The following ATP8A1 variants were observed in gnomAD, a reference collection of about 807,000 sequenced individuals.
ATP8A1 encodes the protein ATPase phospholipid transporting 8A1, also known as phospholipid-transporting ATPase IA.
In ATP8A1, 90 loss-of-function variants were observed where a neutral mutation model predicts 177.7. The observed-to-expected ratio is 0.51, with a 90% confidence interval of 0.43 to 0.60. The LOEUF is 0.60. ATP8A1 is among the 20% of genes least tolerant of loss of function. ATP8A1 has a pLI of 0.00. For missense variants in ATP8A1, 1,072 were observed against 1,392.8 expected (o/e 0.77, Z 3.67); for synonymous variants, 493 against 485.9 (o/e 1.01, Z -0.19).
At chr4:42,487,392 A>G (rs1467305092) in intron 24 of ATP8A1, among the ~76,000 whole-genome samples, 3 of 152,126 alleles carry the variant, frequency 2.0e-5, no homozygotes, top group East Asian at 1.9e-4. Context: ...CCAATTTCCT[A>G]TTTCACAAGA....
At chr4:42,435,461 A>AAAAAAAAAAAACAAC (rs1553871738) in intron 33 of ATP8A1, among the ~76,000 whole-genome samples, 1 of 122,342 alleles carries the variant, frequency 8.2e-6, no homozygotes, top group East Asian at 2.5e-4. Flanking sequence ...AAAAAAAAAA[A>AAAAAAAAAAAACAAC]AACAAACTAT....
At chr4:42,557,895 T>C (rs1219485869) in intron 15 of ATP8A1, among the ~76,000 whole-genome samples, 2 of 151,714 alleles carry the variant, frequency 1.3e-5, no homozygotes, top group Non-Finnish European at 2.9e-5. Flanking sequence ...ATATAAAAAT[T>C]AGTCAGGTGT....
At chr4:42,626,861 C>G in intron 2 of ATP8A1, 134 bp downstream of exon 2, 1 of 690,982 alleles carries the variant, frequency 1.4e-6, no homozygotes, top group Admixed American at 2.3e-5. Context: ...GGGGAAACAG[C>G]CTATTCACAC....
In ATP8A1 at chr4:42,529,509, C is replaced by T. The variant is rs56224367; in HGVS notation, c.1723-4662G>A. Among the ~76,000 whole-genome samples, 993 of 152,312 alleles carry T rather than the reference C, an allele frequency of 6.5e-3. 11 individuals carry two copies. The highest frequency in any genetic ancestry group is 0.023 in the African/African-American group (944 of 41,554). ...CATCATCAAATTGAAGTGGTATATACGTGATCAGGCTTGAGCAGGTCCTGA... is the reference window on the plus strand; with the variant it reads ...CATCATCAAATTGAAGTGGTATATATGTGATCAGGCTTGAGCAGGTCCTGA... On this transcript the variant is annotated intron_variant, in intron 20 of 36. Transcript: ENST00000381668.
chr4:42,555,138 T>TATCTATCTATCTATCTAATC lies in ATP8A1; in HGVS notation c.1413+829_1413+830insGATTAGATAGATAGATAGAT, dbSNP rs1178885818. Among the ~76,000 whole-genome samples, 4 of 76,784 alleles carry TATCTATCTATCTATCTAATC rather than the reference T, an allele frequency of 5.2e-5. No homozygotes were observed. The East Asian group carries it at 1.5e-3, about 28-fold the overall frequency. 50.4% of individuals were successfully genotyped at this position (76,784 alleles called of 152,430 possible). ...CTATCTATCTATCTATCTATCTATC[T>TATCTATCTATCTATCTAATC]AATCTATCTATCTATCTATCTATCT... On this transcript the variant is annotated intron_variant, in intron 16 of 36. Coordinates refer to ENST00000381668, the MANE Select transcript of ATP8A1 (RefSeq NM_006095.2).
intron 31 of ATP8A1, 131 bp downstream of exon 31, chr4:42,446,448 CTTAA>C (rs1717264354): frequency 5.3e-6 from 4 of 758,014 alleles, no homozygotes; most frequent in Non-Finnish European, 8.2e-6. Flanking sequence ...CTGGGTCTTA[CTTAA>C]TTTTTAAAGG....
rs534414069 is a variant in ATP8A1 at position 42,626,756 on chromosome 4, A to G, written c.164+239T>C. On this transcript the variant is annotated intron_variant, in intron 2 of 36. Coordinates refer to ENST00000381668, the MANE Select transcript of ATP8A1 (RefSeq NM_006095.2). ...ACACATAAGCAGCTTTCATTATTCA[A>G]TATCTATGCAGCATCGGCAGAGGAT... 6 of 520,866 alleles carry G rather than the reference A, an allele frequency of 1.2e-5. No homozygotes were observed. In the East Asian group the frequency reaches 2.1e-4, roughly 18 times the overall value. The allele number at this position is 520,866 out of a possible 1,614,324, so 32.3% of individuals were successfully genotyped here.
Position 42,656,836 on chromosome 4 carries a change from G to A in ATP8A1, c.38C>T (p.Ser13Leu). Residue 13 changes from serine (S) to leucine (L), a missense_variant, in exon 1 of 37, where the codon TCG becomes TTG. Around this residue, in one of 5 missense-constraint regions of ATP8A1, gnomAD observed 344 missense variants for 393.5 expected, o/e 0.87. Transcript: ENST00000381668. ...CGGCGGCCCCTTACCTTCGGCGCGC[G>A]AGCGGATCTCCGACACGGTCCTCCG... ...TMRRTVSEIRSRAEGYEKTDD... is the reference protein window; with the variant it reads ...TMRRTVSEIRLRAEGYEKTDD... 1 of 1,583,452 alleles carries A rather than the reference G, an allele frequency of 6.3e-7. No homozygotes were observed. Among genetic ancestry groups the A allele is most frequent in the South Asian group, 1.2e-5 (1 of 86,650 alleles).
chr4:42,422,390 A>G (rs10010307), intron 35 of ATP8A1, among the ~76,000 whole-genome samples: 57,620 of 152,026 alleles, frequency 0.38, 11,251 homozygotes, highest in African/African-American at 0.46. Context: ...ACGCCTGGCC[A>G]ATTACATACA....
At chr4:42,528,825 C>T (rs1277342425) in intron 20 of ATP8A1, among the ~76,000 whole-genome samples, 1 of 152,132 alleles carries the variant, frequency 6.6e-6, no homozygotes, top group Non-Finnish European at 1.5e-5. Context: ...AGCAAACACA[C>T]TGGACTTATT....
At chr4:42,479,533 A>G (rs1488636219) in intron 25 of ATP8A1, among the ~76,000 whole-genome samples, 1 of 152,220 alleles carries the variant, frequency 6.6e-6, no homozygotes, top group Non-Finnish European at 1.5e-5. Flanking sequence ...GTTCTTAGCA[A>G]ATCAGAACTG....
At chr4:42,507,798 A>AC (rs1553890683) in intron 22 of ATP8A1, among the ~76,000 whole-genome samples, 7 of 124,742 alleles carry the variant, frequency 5.6e-5, no homozygotes, top group South Asian at 3.3e-4. Context: ...AAAAAAAAAA[A>AC]AAAAAAAAAA....
In ATP8A1 at chr4:42,502,373, A is replaced by T. The variant is rs183679458; in HGVS notation, c.2151+1077T>A. Among the ~76,000 whole-genome samples, 86 of 152,334 alleles carry T rather than the reference A, an allele frequency of 5.6e-4. 2 individuals are homozygous for T. The highest frequency in any genetic ancestry group is 5.3e-3 in the Admixed American group (81 of 15,292). ...TGGTACAACACAATGAATATTTTTG[A>T]TATTTCACTTCTCTTTCTTGAGATT... On this transcript the variant is annotated intron_variant, in intron 24 of 36. Coordinates refer to ENST00000381668, the MANE Select transcript of ATP8A1 (RefSeq NM_006095.2).
At chr4:42,465,522 A>T (rs1343511508) in intron 25 of ATP8A1, among the ~76,000 whole-genome samples, 1 of 152,242 alleles carries the variant, frequency 6.6e-6, no homozygotes, top group African/African-American at 2.4e-5. Context: ...AACTCTACTT[A>T]AATTAATTCT....
intron 22 of ATP8A1, among the ~76,000 whole-genome samples, chr4:42,520,147 C>G (rs984206506): frequency 6.6e-6 from 1 of 152,102 alleles, no homozygotes; most frequent in Non-Finnish European, 1.5e-5. Flanking sequence ...CTAGGGCATC[C>G]AGAGAGTAAG....
rs555834649 is a variant in ATP8A1, at chr4:42,553,334, C to T, written c.1414-724G>A. Among the ~76,000 whole-genome samples, 50 of 152,186 alleles carry T rather than the reference C, an allele frequency of 3.3e-4. 1 individual carries two copies. Among genetic ancestry groups the T allele is most frequent in the Admixed American group, 2.6e-3 (39 of 15,282 alleles). On this transcript the variant is annotated intron_variant, in intron 16 of 36. Transcript: ENST00000381668. The stretch of plus-strand genomic sequence containing the variant: ...CTTACTGCACTGGGGTTATACTTTG[C>T]GTTGGGGTGATAATGATTGAGGATT...
intron 1 of ATP8A1, among the ~76,000 whole-genome samples, chr4:42,648,681 T>G (rs1254697320): frequency 6.6e-6 from 1 of 152,114 alleles, no homozygotes; most frequent in African/African-American, 2.4e-5. Context: ...TCATAAAAAT[T>G]AATTTACATA....
At chr4:42,461,244 C>CTTTTTTTTTTTTTTTTTTT (rs777847439) in intron 27 of ATP8A1, among the ~76,000 whole-genome samples, 1 of 84,542 alleles carries the variant, frequency 1.2e-5, no homozygotes, top group Non-Finnish European at 2.3e-5. Context: ...TCAATTTTTT[C>CTTTTTTTTTTTTTTTTTTT]TTTCTTTTTT....
intron 2 of ATP8A1, chr4:42,626,772 G>A (rs976720007): frequency 1.3e-5 from 7 of 551,184 alleles, no homozygotes; most frequent in African/African-American, 7.6e-5. Flanking sequence ...ATGCAGCATC[G>A]GCAGAGGATG....
Sources: allele counts gnomAD v4.1 joint callset (sites outside exome capture counted in the v4.1 genomes callset), GRCh38; gene constraint gnomAD v4.1.1; regional missense constraint gnomAD v4.1.1; transcripts MANE v1.5; gene names NCBI Gene and HGNC (gene_info 2026-07-23, HGNC 2026-07-21).